The following ARFGEF1 variants were observed in gnomAD, a reference collection of about 807,000 sequenced individuals.
ARFGEF1 encodes ARF guanine nucleotide exchange factor 1, also known as brefeldin A-inhibited guanine nucleotide-exchange protein 1.
Under a neutral mutation model 231.0 loss-of-function variants are expected in ARFGEF1, and 42 were observed. The ratio of observed to expected loss-of-function variants is 0.18; its 90% CI spans 0.14 to 0.24. ARFGEF1 has a LOEUF of 0.24. Among genes scored for constraint, ARFGEF1 ranks in the 10% least tolerant of loss-of-function variants. The pLI, the probability that ARFGEF1 is intolerant of heterozygous loss-of-function variation, is 1.00. For missense variants in ARFGEF1, 1,345 were observed against 2,192.0 expected (o/e 0.61, Z 7.72); for synonymous variants, 710 against 732.3 (o/e 0.97, Z 0.49).
intron 22 of ARFGEF1, among the ~76,000 whole-genome samples, chr8:67,236,800 C>A (rs1299771805): frequency 6.6e-6 from 1 of 152,158 alleles, no homozygotes. Context: ...ATTTCTAGGC[C>A]TCAATGTGTG....
rs573667871 is a variant in ARFGEF1, at chr8:67,282,683, C to CA, written c.1028-5227dup. ...CAACATGGTAAAACCCCGTCTCTAC[C>CA]AAAAAAATACAAAAATTAGCCGGGC... is the stretch of plus-strand genomic sequence containing the variant. On this transcript the variant is annotated intron_variant, in intron 7 of 38. Transcript: ENST00000262215. 9.2e-4 allele frequency among the ~76,000 whole-genome samples: 139 copies of CA among 151,138 alleles called. 1 individual carries two copies. Among genetic ancestry groups the CA allele is most frequent in the African/African-American group, 3.3e-3 (135 of 41,306 alleles).
intron 1 of ARFGEF1, among the ~76,000 whole-genome samples, chr8:67,313,443 CTGT>C (rs949985723): frequency 2.0e-5 from 3 of 152,290 alleles, no homozygotes; most frequent in Non-Finnish European, 2.9e-5. Flanking sequence ...GGGCTGAAGG[CTGT>C]TGTTCAGATT....
intron 1 of ARFGEF1, among the ~76,000 whole-genome samples, chr8:67,337,726 CAGAT>C (rs777595829): frequency 9.2e-5 from 14 of 152,194 alleles, no homozygotes; most frequent in Non-Finnish European, 1.8e-4. Context: ...TGTCATCTCA[CAGAT>C]AGGACTTTCC....
chr8:67,219,259 G>A (rs953360731), intron 30 of ARFGEF1, among the ~76,000 whole-genome samples, 172 bp downstream of exon 30: 2 of 152,142 alleles, frequency 1.3e-5, no homozygotes, highest in African/African-American at 4.8e-5. Flanking sequence ...GAGCCACTGC[G>A]CCCAGCCAGT....
intron 1 of ARFGEF1, among the ~76,000 whole-genome samples, chr8:67,309,682 T>C (rs184159489): frequency 1.3e-5 from 2 of 152,266 alleles, no homozygotes; most frequent in East Asian, 1.9e-4. Context: ...CCCAGGTGAT[T>C]TGGAGAAAAA....
intron 33 of ARFGEF1, among the ~76,000 whole-genome samples, chr8:67,213,490 A>G (rs1022941465): frequency 2.6e-5 from 4 of 152,186 alleles, no homozygotes; most frequent in African/African-American, 9.7e-5. Flanking sequence ...CAAATGTAAA[A>G]TGACAACATT....
At chr8:67,195,852 CTA>C, downstream of ARFGEF1, 1 of 398,828 alleles carries the variant, frequency 2.5e-6, no homozygotes, top group East Asian at 4.8e-5. Context: ...GATTGAACTA[CTA>C]TATGTGCATT....
chr8:67,292,113 G>C lies in ARFGEF1; in HGVS notation c.650C>G (p.Ala217Gly). The C allele has an allele frequency of 6.2e-7, 1 of 1,611,080 alleles. No homozygotes were observed. The highest frequency in any genetic ancestry group is 8.5e-7 in the Non-Finnish European group (1 of 1,178,836). ...ARMENQALQE[A>G]KQMEKERHRQ... ...ATGCCTTTCTTTTTCCATTTGTTTT[G>C]CTTCCTGTAACTGGAAATAAATAAA... The change falls in exon 6 of 39, where the codon GCA (alanine) becomes GGA (glycine). Residue 217 changes from alanine to glycine, a missense_variant. Physicochemically the swap from Ala to Gly is moderately conservative, Grantham distance 60 (BLOSUM62 0). Coordinates refer to ENST00000262215, the MANE Select transcript of ARFGEF1 (RefSeq NM_006421.5).
At chr8:67,196,606 A>G (rs1017610346), downstream of ARFGEF1, among the ~76,000 whole-genome samples, 2 of 152,134 alleles carry the variant, frequency 1.3e-5, no homozygotes, top group Non-Finnish European at 2.9e-5. Context: ...TAAATTACTG[A>G]TATTTTGAGT....
At chr8:67,276,785 A>C (rs1389104268) in intron 8 of ARFGEF1, among the ~76,000 whole-genome samples, 1 of 152,030 alleles carries the variant, frequency 6.6e-6, no homozygotes, top group Non-Finnish European at 1.5e-5. Flanking sequence ...TGGGTTTCAG[A>C]TTTTTTTGGA....
intron 22 of ARFGEF1, among the ~76,000 whole-genome samples, chr8:67,235,978 C>A (rs1241633729): frequency 6.6e-6 from 1 of 151,660 alleles, no homozygotes; most frequent in Non-Finnish European, 1.5e-5. Context: ...ACATGGAATA[C>A]TCACGGCAGA....
intron 23 of ARFGEF1, among the ~76,000 whole-genome samples, chr8:67,231,321 T>C (rs1168986173): frequency 1.3e-5 from 2 of 152,048 alleles, no homozygotes; most frequent in Non-Finnish European, 2.9e-5. Flanking sequence ...AATACTGAGG[T>C]TTTGTATAAA....
chr8:67,259,869 G>A lies in ARFGEF1; in HGVS notation c.2181C>T (p.Gly727=). Residue 727 remains glycine (G), a synonymous_variant, in exon 15 of 39, where the codon GGC becomes GGT. Transcript: ENST00000262215. The part of the protein sequence containing the change: ...IQYLQEQGML[G]TTPEDIAQFL... ...ATTGGGCAATATCTTCAGGTGTGGT[G>A]CCAAGCATCCCTTGTTCTTGGAGGT... 4.3e-6 allele frequency: 7 copies of A among 1,613,256 alleles called. No individual in the cohort carries two copies. The highest frequency in any genetic ancestry group is 5.9e-6 in the Non-Finnish European group (7 of 1,179,510).
intron 1 of ARFGEF1, among the ~76,000 whole-genome samples, chr8:67,335,379 A>T (rs886605944): frequency 1.3e-5 from 2 of 152,200 alleles, no homozygotes; most frequent in African/African-American, 4.8e-5. Flanking sequence ...TGCTGGGATC[A>T]CAGGCGCCAG....
rs1216341778 is a variant in ARFGEF1, at chr8:67,292,243, GTTTAT to G, written c.640-125_640-121del. ...ATTCTCTCTACGCTTGGAAATTAAA[GTTTAT>G]CAGAAATGGAGAACATAAACTATAC... On this transcript the variant is annotated intron_variant, in intron 5 of 38. Coordinates refer to ENST00000262215, the MANE Select transcript of ARFGEF1 (RefSeq NM_006421.5). 3.7e-6 allele frequency: 3 copies of G among 818,774 alleles called. No homozygotes were observed. The Admixed American group carries it at 8.4e-5, about 23-fold the overall frequency. 50.7% of individuals were successfully genotyped at this position (818,774 alleles called of 1,614,324 possible).
intron 6 of ARFGEF1, among the ~76,000 whole-genome samples, chr8:67,289,012 T>C (rs550319114): frequency 8.5e-5 from 13 of 152,102 alleles, no homozygotes; most frequent in South Asian, 6.2e-4. Flanking sequence ...AACTTCTGAA[T>C]AGCCTAAGAG....
At chr8:67,303,996 G>A (rs1425345696) in intron 1 of ARFGEF1, among the ~76,000 whole-genome samples, 5 of 152,280 alleles carry the variant, frequency 3.3e-5, no homozygotes, top group Admixed American at 2.6e-4. Flanking sequence ...TGGCTTGGAC[G>A]TATGGCTAAT....
intron 5 of ARFGEF1, among the ~76,000 whole-genome samples, chr8:67,186,906 T>G (rs920102165): frequency 2.0e-5 from 3 of 152,144 alleles, no homozygotes; most frequent in African/African-American, 7.2e-5. Flanking sequence ...AATTAAAAAT[T>G]AAAAACACAA....
chr8:67,219,423 C>A lies in ARFGEF1; in HGVS notation c.4338+8G>T. 6.2e-7 allele frequency: 1 copy of A among 1,606,800 alleles called. No individual in the cohort carries two copies. The highest frequency in any genetic ancestry group is 1.7e-4 in the Middle Eastern group (1 of 5,972). ...ACTAAGCTAAATGAAAATTGTGTAT[C>A]CTCTTACCTCTGTCTGTTGTTCTGG... On this transcript the variant is annotated splice_region_variant and intron_variant, in intron 30 of 38. Coordinates refer to ENST00000262215, the MANE Select transcript of ARFGEF1 (RefSeq NM_006421.5).
Sources: gnomAD v4.1 joint callset for allele counts (sites outside exome capture counted in the v4.1 genomes callset) on GRCh38, gnomAD v4.1.1 for gene constraint, MANE v1.5 for transcripts, NCBI Gene and HGNC (gene_info 2026-07-23, HGNC 2026-07-21) for gene names.